Variants in SKI observed in about 807,000 individuals in gnomAD.
The protein encoded by SKI is SKI proto-oncogene.
In SKI, 23 loss-of-function variants were observed where a neutral mutation model predicts 59.3. The observed-to-expected ratio is 0.39, with a 90% CI of 0.28 to 0.55. The LOEUF is 0.55. SKI is among the 20% of genes least tolerant of loss of function. The probability of loss-of-function intolerance (pLI) is 0.67; values close to 1 mark genes in which losing one functional copy is unlikely to be tolerated. For missense variants in SKI, 1,017 were observed against 1,038.9 expected, an observed-to-expected ratio of 0.98 and a Z score of 0.29; for synonymous variants, 673 against 488.6, an observed-to-expected ratio of 1.38 and a Z score of -4.98.
rs1347413046 is a variant in SKI at position 2,309,962 on chromosome 1, G to T, written c.*3197G>T. 1 of 134,756 alleles carries T rather than the reference G, an allele frequency of 7.4e-6. No homozygotes were observed. Among genetic ancestry groups the T allele is most frequent in the East Asian group, 2.1e-4 (1 of 4,690 alleles). The allele number at this position is 134,756 out of a possible 1,614,324, so 8.3% of individuals were successfully genotyped here. On this transcript the variant is annotated 3_prime_UTR_variant, in exon 7 of 7. Coordinates refer to ENST00000378536, the MANE Select transcript of SKI (RefSeq NM_003036.4). ...CTTTTTTTTTTCAATTAAGGAAAAA[G>T]CTCCATCTCTACCTTTAACATCACC... is the stretch of plus-strand genomic sequence containing the variant.
chr1:2,231,758 C>T (rs1638643433), intron 1 of SKI, among the ~76,000 whole-genome samples: 1 of 152,232 alleles, frequency 6.6e-6, no homozygotes, highest in South Asian at 2.1e-4. Context: ...CGCCTGGCTC[C>T]CTGAATGTTC....
chr1:2,293,430 C>CG (rs1219906358), intron 1 of SKI, among the ~76,000 whole-genome samples: 1 of 151,378 alleles, frequency 6.6e-6, no homozygotes, highest in East Asian at 2.0e-4. Context: ...GGGCGAGGCC[C>CG]CCCCCCAACA....
intron 1 of SKI, among the ~76,000 whole-genome samples, chr1:2,244,545 A>G (rs555257113): frequency 5.3e-5 from 8 of 152,314 alleles, no homozygotes; most frequent in African/African-American, 1.7e-4. Context: ...GCGCCATTGT[A>G]CTACAGCCTG....
chr1:2,306,018 A>G lies in SKI; in HGVS notation c.1768-2A>G, dbSNP rs769448111. ...TGACCCCGAGCCGCCTCCGGCCCCCAGGAGCTGGAGTTCCTACGCGTGGCC... is the reference window on the plus strand; with the variant it reads ...TGACCCCGAGCCGCCTCCGGCCCCCGGGAGCTGGAGTTCCTACGCGTGGCC... On this transcript the variant is annotated splice_acceptor_variant, in intron 5 of 6. Transcript: ENST00000378536. LOFTEE classifies it high-confidence loss of function. 1 of 1,572,148 alleles carries G rather than the reference A, an allele frequency of 6.4e-7. No homozygotes were observed. Among genetic ancestry groups the G allele is most frequent in the Non-Finnish European group, 8.6e-7 (1 of 1,159,966 alleles).
In SKI at chr1:2,229,529, C is replaced by T. The variant is rs1455466124; in HGVS notation, c.763C>T (p.Pro255Ser). Residue 255 changes from proline to serine, a missense_variant, in exon 1 of 7, where the codon CCG (proline) becomes TCG (serine). By Grantham distance (74) the Pro-to-Ser change is moderately conservative (BLOSUM62 -1). Transcript: ENST00000378536. This position sits in a 1 kb window ranked among gnomAD's most constrained non-coding sequence, Gnocchi z 6.3. Reference protein sequence around the residue: ...IQCLDCRLMYPPHKFVVHSHK... With the variant: ...IQCLDCRLMYSPHKFVVHSHK... The stretch of plus-strand genomic sequence containing the variant: ...GTGCCTGGACTGCCGCCTCATGTAC[C>T]CGCCGCACAAGTTCGTGGTGCACTC... 1 of 1,611,378 alleles carries T rather than the reference C, an allele frequency of 6.2e-7. No homozygotes were observed. The highest frequency in any genetic ancestry group is 8.5e-7 in the Non-Finnish European group (1 of 1,179,926).
intron 1 of SKI, among the ~76,000 whole-genome samples, chr1:2,230,063 A>T (rs1638597982): frequency 6.6e-6 from 1 of 152,172 alleles, no homozygotes; most frequent in South Asian, 2.1e-4. Flanking sequence ...TGCTCCCGAG[A>T]AAGCGGCCTG....
At chr1:2,233,457 C>G (rs1638687842) in intron 1 of SKI, among the ~76,000 whole-genome samples, 1 of 152,114 alleles carries the variant, frequency 6.6e-6, no homozygotes. Context: ...CTGCAGATGC[C>G]TGAATTCCCA....
At chr1:2,253,871 G>A (rs77780976) in intron 1 of SKI, among the ~76,000 whole-genome samples, 1 of 152,274 alleles carries the variant, frequency 6.6e-6, no homozygotes, top group South Asian at 2.1e-4. Flanking sequence ...CATCGATGCT[G>A]GACTTGCTGA....
Position 2,228,911 on chromosome 1 carries a change from A to G in SKI, c.145A>G (p.Lys49Glu). 7.1e-7 allele frequency: 1 copy of G among 1,409,822 alleles called. No individual in the cohort carries two copies. The highest frequency in any genetic ancestry group is 9.3e-7 in the Non-Finnish European group (1 of 1,076,468). The allele number at this position is 1,409,822 out of a possible 1,614,324, so 87.3% of individuals were successfully genotyped here. The change falls in exon 1 of 7, where the codon AAG (lysine) becomes GAG (glutamate). Residue 49 changes from lysine to glutamate, a missense_variant. Physicochemically the swap from Lys to Glu is moderately conservative, Grantham distance 56. Coordinates refer to ENST00000378536, the MANE Select transcript of SKI (RefSeq NM_003036.4). The part of the protein sequence containing the change: ...SARWAQEAYK[K>E]ESAKEAGAAA... ...GCGCTGGGCGCAGGAGGCCTACAAG[A>G]AGGAGAGCGCCAAGGAGGCGGGCGC...
At chr1:2,258,761 C>G (rs1398043729) in intron 1 of SKI, among the ~76,000 whole-genome samples, 1 of 152,046 alleles carries the variant, frequency 6.6e-6, no homozygotes, top group Non-Finnish European at 1.5e-5. Flanking sequence ...GTTGGTCAGG[C>G]TGATCTTGAA....
chr1:2,282,925 T>G (rs963267092), intron 1 of SKI, among the ~76,000 whole-genome samples: 2 of 152,194 alleles, frequency 1.3e-5, no homozygotes, highest in Non-Finnish European at 2.9e-5. Context: ...TGAGCCACTG[T>G]GTACACTGAA....
intron 1 of SKI, among the ~76,000 whole-genome samples, chr1:2,241,702 A>G (rs1169102834): frequency 1.3e-5 from 2 of 152,224 alleles, no homozygotes; most frequent in East Asian, 1.9e-4. Flanking sequence ...CAGGACTGTA[A>G]TTTTTTGAAG....
rs983085354 is a variant in SKI at position 2,309,581 on chromosome 1, C to T, written c.*2816C>T. The T allele has an allele frequency of 1.3e-5, 2 of 152,032 alleles. No individual in the cohort carries two copies. Among genetic ancestry groups the T allele is most frequent in the Non-Finnish European group, 2.9e-5 (2 of 67,992 alleles). The allele number at this position is 152,032 out of a possible 1,614,324, so 9.4% of individuals were successfully genotyped here. A position where few individuals can be genotyped will look rare whatever the true frequency, so the allele number is the denominator to read the frequency against. On this transcript the variant is annotated 3_prime_UTR_variant, in exon 7 of 7. Transcript: ENST00000378536. Reference sequence around the variant, plus strand: ...TTTTTAACTGAGGAAAAAAAAAATGCTTTCCTGCCGGGGGGCAGGGGAGAC... The same window carrying T: ...TTTTTAACTGAGGAAAAAAAAAATGTTTTCCTGCCGGGGGGCAGGGGAGAC...
intron 1 of SKI, among the ~76,000 whole-genome samples, chr1:2,237,688 A>T (rs1638781813): frequency 6.6e-6 from 1 of 152,240 alleles, no homozygotes; most frequent in African/African-American, 2.4e-5. Flanking sequence ...GAGCAGATGT[A>T]TCTTTGCCCA....
chr1:2,233,707 A>C (rs1638693336), intron 1 of SKI, among the ~76,000 whole-genome samples: 1 of 151,810 alleles, frequency 6.6e-6, no homozygotes, highest in East Asian at 1.9e-4. Flanking sequence ...GAGACCTTTG[A>C]GTCTCGAGGT....
intron 1 of SKI, among the ~76,000 whole-genome samples, chr1:2,298,492 G>A (rs963361214): frequency 3.9e-5 from 6 of 152,186 alleles, no homozygotes; most frequent in Non-Finnish European, 7.3e-5. Context: ...TCCCCGGGCC[G>A]GATGGCTTTC....
chr1:2,304,144 T>C, intron 4 of SKI, 42 bp downstream of exon 4: 1 of 1,607,798 alleles, frequency 6.2e-7, no homozygotes, highest in Non-Finnish European at 8.5e-7. Context: ...CTGTGGGCTG[T>C]GGGGGTGGCA....
chr1:2,234,955 T>C (rs1638721229), intron 1 of SKI, among the ~76,000 whole-genome samples: 4 of 151,594 alleles, frequency 2.6e-5, no homozygotes, highest in Admixed American at 2.6e-4. Context: ...TCTTTACACC[T>C]GGCCTCCAGA....
At chr1:2,287,924 C>T (rs931439384) in intron 1 of SKI, among the ~76,000 whole-genome samples, 15 of 152,206 alleles carry the variant, frequency 9.9e-5, no homozygotes, top group African/African-American at 2.9e-4. Context: ...GCTCCTGGCC[C>T]TGGCCTGGCA....
Sources: allele counts gnomAD v4.1 joint callset (sites outside exome capture counted in the v4.1 genomes callset), GRCh38; gene constraint gnomAD v4.1.1; non-coding constraint Gnocchi (gnomAD v3.1); transcripts MANE v1.5; gene names NCBI Gene and HGNC (gene_info 2026-07-23, HGNC 2026-07-21).